ALG9: variants seen among roughly 807,000 people sequenced by gnomAD.
The protein encoded by ALG9 is ALG9 alpha-1,2-mannosyltransferase, also known as alpha-1,2-mannosyltransferase ALG9.
In ALG9, 55 loss-of-function variants were observed where a neutral mutation model predicts 81.8. That is an observed-to-expected ratio of 0.67 (90% CI 0.54 to 0.84). The LOEUF is 0.84. ALG9 is among the 40% of genes least tolerant of loss of function. ALG9 has a pLI of 0.00. For synonymous variants in ALG9, 278 were observed against 274.3 expected (o/e 1.01, Z -0.13); for missense variants, 629 against 745.0 (o/e 0.84, Z 1.81).
intron 14 of ALG9, among the ~76,000 whole-genome samples, chr11:111,795,043 G>A (rs1262018511): frequency 6.6e-6 from 1 of 152,136 alleles, no homozygotes; most frequent in Non-Finnish European, 1.5e-5. Flanking sequence ...CTAATGCAAA[G>A]GTGACTTACA....
At chr11:111,770,453 T>C in the ALG9 span, among the ~76,000 whole-genome samples, 3 of 152,126 alleles carry the variant, frequency 2.0e-5, no homozygotes, top group African/African-American at 4.8e-5. Flanking sequence ...TCTGAATCTA[T>C]AGGCTGTGGG....
intron 14 of ALG9, among the ~76,000 whole-genome samples, chr11:111,802,270 A>G (rs1384831932): frequency 9.2e-5 from 14 of 152,370 alleles, no homozygotes; most frequent in African/African-American, 3.4e-4. Context: ...TCATAGCAGC[A>G]TTATTCCTAA....
chr11:111,799,901 T>C (rs140026525), intron 14 of ALG9, among the ~76,000 whole-genome samples: 153 of 152,332 alleles, frequency 1.0e-3, no homozygotes, highest in African/African-American at 3.6e-3. Flanking sequence ...CTTTTACTCA[T>C]GATTGCTTCT....
chr11:111,808,634 G>A (rs570969507), intron 14 of ALG9, among the ~76,000 whole-genome samples: 5 of 152,182 alleles, frequency 3.3e-5, no homozygotes, highest in Admixed American at 3.3e-4. Flanking sequence ...CGTCTTTCTG[G>A]AGTCCTGTCC....
chr11:111,868,718 C>T lies in ALG9; in HGVS notation c.289G>A (p.Gly97Arg), dbSNP rs782569706. 1 of 1,612,802 alleles carries T rather than the reference C, an allele frequency of 6.2e-7. No homozygotes were observed. The highest frequency in any genetic ancestry group is 2.2e-5 in the East Asian group (1 of 44,848). ...TATTCCCAAGTCTGAAACCCTTCCC[C>T]ATAGATGAGGTAGTGTGTCTAAAAA... Reference protein sequence around the residue: ...YWEPTHYLIYGEGFQTWEYSP... With the variant: ...YWEPTHYLIYREGFQTWEYSP... The change falls in exon 3 of 15, where the codon GGG (glycine) becomes AGG (arginine). Residue 97 changes from glycine (G) to arginine (R), a missense_variant. Gly to Arg is a moderately radical substitution (Grantham distance 125). Transcript: ENST00000616540.
chr11:111,805,602 A>G (rs151147878), intron 14 of ALG9, among the ~76,000 whole-genome samples: 3,187 of 152,382 alleles, frequency 0.021, 52 homozygotes, highest in Middle Eastern at 0.051. Context: ...CATTCTGGAA[A>G]AGGCAAAACT....
chr11:111,820,027 A>G (rs1555101694), intron 13 of ALG9, among the ~76,000 whole-genome samples: 1 of 152,260 alleles, frequency 6.6e-6, no homozygotes, highest in African/African-American at 2.4e-5. Context: ...TATTTCCTCC[A>G]TAATACCATA....
At chr11:111,802,537 A>C (rs148143177) in intron 14 of ALG9, among the ~76,000 whole-genome samples, 1 of 152,362 alleles carries the variant, frequency 6.6e-6, no homozygotes, top group African/African-American at 2.4e-5. Flanking sequence ...GGAATGAGGT[A>C]TCTTACTGCA....
At chr11:111,790,245 T>C (rs1417577946) in intron 14 of ALG9, among the ~76,000 whole-genome samples, 4 of 152,056 alleles carry the variant, frequency 2.6e-5, no homozygotes, top group East Asian at 3.9e-4. Context: ...GGCAGGAGAA[T>C]TGAACTTGGA....
At chr11:111,857,491 A>C (rs1555144115) in intron 6 of ALG9, 111 bp downstream of exon 6, 2 of 1,422,688 alleles carry the variant, frequency 1.4e-6, no homozygotes, top group Non-Finnish European at 2.0e-6. Context: ...AGAATCTTTG[A>C]AAGCCCAATT....
At chr11:111,841,755 C>T (rs1956250638) in intron 9 of ALG9, among the ~76,000 whole-genome samples, 1 of 152,142 alleles carries the variant, frequency 6.6e-6, no homozygotes, top group South Asian at 2.1e-4. Context: ...ATCACTTTCA[C>T]TGTAGAAATT....
intron 13 of ALG9, among the ~76,000 whole-genome samples, chr11:111,810,732 G>A (rs1346539019): frequency 6.6e-6 from 1 of 152,062 alleles, no homozygotes; most frequent in Non-Finnish European, 1.5e-5. Flanking sequence ...TTCCAGCCTG[G>A]GCAAAAGAGA....
At chr11:111,800,849 G>A (rs1464485717) in intron 14 of ALG9, among the ~76,000 whole-genome samples, 2 of 152,208 alleles carry the variant, frequency 1.3e-5, no homozygotes, top group Non-Finnish European at 2.9e-5. Flanking sequence ...AACTGGAGAT[G>A]AGTGATGGGT....
intron 6 of ALG9, 109 bp from the exon 7 acceptor site, chr11:111,853,845 AGTGAGGGAAGAAACCTGGTAT>A (rs1254399248): frequency 1.4e-5 from 14 of 995,296 alleles, no homozygotes; most frequent in Non-Finnish European, 2.1e-5. Context: ...TGCCAGTTAT[AGTGAGGGAAGAAACCTGGTAT>A]GTGAGAGGAT....
At chr11:111,788,426 A>T (rs1946799627) in intron 14 of ALG9, 2 of 453,948 alleles carry the variant, frequency 4.4e-6, no homozygotes, top group Non-Finnish European at 8.8e-6. Flanking sequence ...ATGAACAGGA[A>T]GAGGAAGCAC....
the ALG9 span, among the ~76,000 whole-genome samples, chr11:111,768,267 C>T: frequency 5.3e-5 from 8 of 152,086 alleles, no homozygotes; most frequent in African/African-American, 1.7e-4. Context: ...AACAATACGA[C>T]GGATGACAGT....
At chr11:111,789,200 A>G (rs4245045) in intron 14 of ALG9, among the ~76,000 whole-genome samples, 107,993 of 151,962 alleles carry the variant, frequency 0.71, 39,119 homozygotes, top group African/African-American at 0.85. Context: ...TTGGTAGTTC[A>G]TAATTTTATT....
intron 10 of ALG9, 59 bp from the exon 11 acceptor site, chr11:111,838,458 T>A: frequency 6.7e-7 from 1 of 1,482,226 alleles, no homozygotes; most frequent in Non-Finnish European, 9.3e-7. Flanking sequence ...CACAGTAACA[T>A]CAAGAGCGAA....
chr11:111,791,909 T>A (rs1431421107), intron 14 of ALG9, among the ~76,000 whole-genome samples: 1 of 152,236 alleles, frequency 6.6e-6, no homozygotes, highest in African/African-American at 2.4e-5. Context: ...CTGGCCAACA[T>A]GGTGAAACCC....
Sources: gnomAD v4.1 joint callset for allele counts (sites outside exome capture counted in the v4.1 genomes callset) on GRCh38, gnomAD v4.1.1 for gene constraint, MANE v1.5 for transcripts, NCBI Gene and HGNC (gene_info 2026-07-23, HGNC 2026-07-21) for gene names.